Variants in PITPNM3 observed in about 807,000 individuals in gnomAD.
PITPNM3 encodes the protein membrane-associated phosphatidylinositol transfer protein 3.
In PITPNM3, 26 loss-of-function variants were observed where a neutral mutation model predicts 102.0. That is an observed-to-expected ratio of 0.25 (90% CI 0.19 to 0.35). The LOEUF is 0.35. Among genes scored for constraint, PITPNM3 ranks in the 10% least tolerant of loss-of-function variants. The pLI, the probability that PITPNM3 is intolerant of heterozygous loss-of-function variation, is 1.00. For synonymous variants in PITPNM3, 578 were observed against 558.6 expected (o/e 1.03, Z -0.49); for missense variants, 1,083 against 1,346.1 (o/e 0.80, Z 3.06).
rs1567670278 is a variant in PITPNM3, at chr17:6,482,030, C to G, written c.587+1487G>C. 3.6e-3 allele frequency among the ~76,000 whole-genome samples: 312 copies of G among 86,588 alleles called. 7 individuals are homozygous for G. The highest frequency in any genetic ancestry group is 6.4e-3 in the African/African-American group (134 of 21,012). The allele number at this position is 86,588 out of a possible 152,430, so 56.8% of individuals were successfully genotyped here. A position where few individuals can be genotyped will look rare whatever the true frequency, so the allele number is the denominator to read the frequency against. ...TCTCTCTCTCTCTCTCTCTCTCTCT[C>G]TCTCTGTCTGTCTCTCTCTCTCTCT... On this transcript the variant is annotated intron_variant, in intron 6 of 19. Transcript: ENST00000262483.
rs115564724 is a variant in PITPNM3 at position 6,538,066 on chromosome 17, G to A, written c.39C>T (p.Gly13=). 3.5e-5 allele frequency: 57 copies of A among 1,612,006 alleles called. No individual in the cohort carries two copies. The highest frequency in any genetic ancestry group is 4.1e-5 in the Non-Finnish European group (48 of 1,178,188). ...TTCGAAGGTGCCAGGGGGCACCGCCGCCCGGGGGAGGACCACCTGTTAAAG... is the reference window on the plus strand; with the variant it reads ...TTCGAAGGTGCCAGGGGGCACCGCCACCCGGGGGAGGACCACCTGTTAAAG... ...KAGRAGGPPP[G]GGAPWHLRNV... is the part of the protein sequence containing the mutation. Residue 13 remains glycine (G), a synonymous_variant, in exon 2 of 20, where the codon GGC becomes GGT. Coordinates refer to ENST00000262483, the MANE Select transcript of PITPNM3 (RefSeq NM_031220.4).
At chr17:6,555,133 C>T (rs1910533090) in intron 1 of PITPNM3, among the ~76,000 whole-genome samples, 1 of 152,184 alleles carries the variant, frequency 6.6e-6, no homozygotes, top group African/African-American at 2.4e-5. Flanking sequence ...CACAGTGCCT[C>T]CCTCAGGAGG....
At chr17:6,513,467 C>A in intron 3 of PITPNM3, among the ~76,000 whole-genome samples, 1 of 151,984 alleles carries the variant, frequency 6.6e-6, no homozygotes, top group Non-Finnish European at 1.5e-5. Flanking sequence ...TATAGAGGAT[C>A]AATATACAAA....
intron 2 of PITPNM3, among the ~76,000 whole-genome samples, chr17:6,527,722 T>TG (rs1382222609): frequency 6.6e-6 from 1 of 152,232 alleles, no homozygotes; most frequent in African/African-American, 2.4e-5. Context: ...GCACCTACTG[T>TG]GTGCAGGGTG....
chr17:6,479,025 C>G, intron 6 of PITPNM3: 1 of 432,372 alleles, frequency 2.3e-6, no homozygotes, highest in Non-Finnish European at 4.2e-6. Context: ...TTCTGCATGG[C>G]CCCAAAGGGC....
intron 3 of PITPNM3, 55 bp downstream of exon 3, chr17:6,525,301 C>A (rs1291376148): frequency 1.1e-5 from 17 of 1,503,216 alleles, no homozygotes; most frequent in South Asian, 5.6e-5. Flanking sequence ...CCCTACAGCC[C>A]CCCCTGCAAC....
At position 6,478,851 on chromosome 17, in the gene PITPNM3, C is replaced by T; in HGVS notation, c.588-115G>A. 1 of 1,082,118 alleles carries T rather than the reference C, an allele frequency of 9.2e-7. No individual in the cohort carries two copies. Among genetic ancestry groups the T allele is most frequent in the Non-Finnish European group, 1.3e-6 (1 of 767,724 alleles). The allele number at this position is 1,082,118 out of a possible 1,614,324, so 67.0% of individuals were successfully genotyped here. ...TGGCCAGGAATTGGGCTCCAGGGAC[C>T]CTTCAGGAAGACCCAGGCAGGAGCC... is the stretch of plus-strand genomic sequence containing the variant. On this transcript the variant is annotated intron_variant, in intron 6 of 19. Coordinates refer to ENST00000262483, the MANE Select transcript of PITPNM3 (RefSeq NM_031220.4). This position sits in a 1 kb window ranked among gnomAD's most constrained non-coding sequence, Gnocchi z 4.4.
In PITPNM3 at chr17:6,483,674, C is replaced by A; in HGVS notation, c.430G>T (p.Ala144Ser). 4 of 1,614,086 alleles carry A rather than the reference C, an allele frequency of 2.5e-6. No individual in the cohort carries two copies. The highest frequency in any genetic ancestry group is 3.4e-6 in the Non-Finnish European group (4 of 1,180,032). ...LHGGNILDTGAGDPSCKAADI... is the reference protein window; with the variant it reads ...LHGGNILDTGSGDPSCKAADI... ...GCTGCCTTGCAGGACGGGTCCCCGG[C>A]ACCCGTGTCCAGGATGTTTCCCCCA... Residue 144 changes from alanine to serine, a missense_variant, in exon 6 of 20, where the codon GCC (alanine) becomes TCC (serine). Physicochemically the swap from Ala to Ser is moderately conservative, Grantham distance 99. Transcript: ENST00000262483.
chr17:6,504,949 C>A (rs1028987385), intron 3 of PITPNM3, among the ~76,000 whole-genome samples: 1 of 151,966 alleles, frequency 6.6e-6, no homozygotes, highest in Non-Finnish European at 1.5e-5. Flanking sequence ...CAGAGGTGGG[C>A]GGATCACCTG....
Position 6,483,539 on chromosome 17 carries a change from C to G in PITPNM3, c.565G>C (p.Glu189Gln), listed in dbSNP as rs1173738004. The G allele has an allele frequency of 3.7e-6, 6 of 1,613,944 alleles. No individual in the cohort carries two copies. Among genetic ancestry groups the G allele is most frequent in the Non-Finnish European group, 5.1e-6 (6 of 1,179,978 alleles). ...CACTGAGAGACAAGCGAGAAAGCCT[C>G]AGAGCAGATGGCAGGACAGGGGACG... Reference protein sequence around the residue: ...KFVPCPAICSEAFSLVSHLNP... With the variant: ...KFVPCPAICSQAFSLVSHLNP... Residue 189 changes from glutamate to glutamine, a missense_variant, in exon 6 of 20, where the codon GAG (glutamate) becomes CAG (glutamine). Around this residue, in one of 5 missense-constraint regions of PITPNM3, gnomAD observed 290 missense variants for 337.8 expected, o/e 0.86. Transcript: ENST00000262483.
chr17:6,509,694 C>T (rs1345934623), intron 3 of PITPNM3, among the ~76,000 whole-genome samples: 1 of 152,144 alleles, frequency 6.6e-6, no homozygotes, highest in African/African-American at 2.4e-5. Context: ...AGCATGGAGC[C>T]TCCCCTGAGC....
intron 4 of PITPNM3, among the ~76,000 whole-genome samples, chr17:6,494,483 C>T (rs1001056319): frequency 1.3e-5 from 2 of 152,232 alleles, no homozygotes; most frequent in South Asian, 2.1e-4. Context: ...CCAGCCCATG[C>T]GCACCTGCAC....
chr17:6,525,245 A>G (rs1022491657), intron 3 of PITPNM3, 111 bp downstream of exon 3: 3 of 957,828 alleles, frequency 3.1e-6, no homozygotes, highest in Non-Finnish European at 5.1e-6. Flanking sequence ...GAACCAAGGC[A>G]GATAGACTCT....
intron 4 of PITPNM3, among the ~76,000 whole-genome samples, chr17:6,485,403 C>A (rs1206519308): frequency 6.6e-6 from 1 of 152,038 alleles, no homozygotes; most frequent in Non-Finnish European, 1.5e-5. Flanking sequence ...AGTGATCCGC[C>A]CACCTCGGCC....
intron 4 of PITPNM3, among the ~76,000 whole-genome samples, chr17:6,491,010 G>GGAGGAAAGGGGAGGGGAGGA (rs1277212838): frequency 1.4e-4 from 11 of 80,236 alleles, no homozygotes; most frequent in South Asian, 6.7e-4. Flanking sequence ...GGAGGGAAGG[G>GGAGGAAAGGGGAGGGGAGGA]GAGGAAAGGG....
rs551008672 is a variant in PITPNM3 at position 6,550,735 on chromosome 17, G to C, written c.22+5650C>G. Among the ~76,000 whole-genome samples, 5 of 152,336 alleles carry C rather than the reference G, an allele frequency of 3.3e-5. No individual in the cohort carries two copies. In the South Asian group the frequency reaches 1.0e-3, roughly 32 times the overall value. The stretch of plus-strand genomic sequence containing the variant: ...ATGGCCCAGGCAAGTGGCTGGGGCA[G>C]GGACACTGTCCAGCCATGTCCTCGT... On this transcript the variant is annotated intron_variant, in intron 1 of 19. Coordinates refer to ENST00000262483, the MANE Select transcript of PITPNM3 (RefSeq NM_031220.4).
rs560644178 is a variant in PITPNM3 at position 6,456,164 on chromosome 17, C to T, written c.2620-521G>A. Among the ~76,000 whole-genome samples, 51 of 152,080 alleles carry T rather than the reference C, an allele frequency of 3.4e-4. 1 individual carries two copies. Among genetic ancestry groups the T allele is most frequent in the Non-Finnish European group, 6.6e-4 (45 of 68,028 alleles). On this transcript the variant is annotated intron_variant, in intron 19 of 19. Transcript: ENST00000262483. ...TCAGCCTCCCGAGTAACTGGGACCA[C>T]GGGTACATGCCACCATGCCCAGCTC...
chr17:6,522,106 A>T (rs1432285775), intron 3 of PITPNM3, among the ~76,000 whole-genome samples: 1 of 152,122 alleles, frequency 6.6e-6, no homozygotes, highest in Non-Finnish European at 1.5e-5. Flanking sequence ...TAGCCTATAA[A>T]ATATTCAAGA....
chr17:6,512,772 T>G (rs1907941849), intron 3 of PITPNM3, among the ~76,000 whole-genome samples: 1 of 152,184 alleles, frequency 6.6e-6, no homozygotes, highest in Non-Finnish European at 1.5e-5. Flanking sequence ...AGTGACTGCT[T>G]CCTTCCTGTC....
Sources: allele counts gnomAD v4.1 joint callset (sites outside exome capture counted in the v4.1 genomes callset), GRCh38; gene constraint gnomAD v4.1.1; regional missense constraint gnomAD v4.1.1; non-coding constraint Gnocchi (gnomAD v3.1); transcripts MANE v1.5; gene names NCBI Gene and HGNC (gene_info 2026-07-23, HGNC 2026-07-21).